Variants in TNRC6C observed in about 807,000 individuals in gnomAD.
TNRC6C encodes trinucleotide repeat containing adaptor 6C, also known as trinucleotide repeat-containing gene 6C protein.
In TNRC6C, 20 loss-of-function variants were observed where a neutral mutation model predicts 153.7. The ratio of observed to expected loss-of-function variants is 0.13; its 90% CI spans 0.09 to 0.19. TNRC6C has a LOEUF of 0.19. TNRC6C is among the 10% of genes least tolerant of loss of function. The pLI is 1.00. For synonymous variants in TNRC6C, 811 were observed against 841.4 expected (o/e 0.96, Z 0.63); for missense variants, 1,987 against 2,172.0 (o/e 0.91, Z 1.69).
chr17:78,065,476 A>G (rs1270835336), intron 4 of TNRC6C, among the ~76,000 whole-genome samples: 2 of 152,206 alleles, frequency 1.3e-5, no homozygotes, highest in African/African-American at 4.8e-5. Flanking sequence ...GCAAAAGTCA[A>G]AGCAACCCCG....
chr17:78,063,460 C>T lies in TNRC6C; in HGVS notation c.2396-1262C>T, dbSNP rs74751636. On this transcript the variant is annotated intron_variant, in intron 3 of 19. Transcript: ENST00000301624. ...TGGAAGAAAATTTGTATAAATGGAT[C>T]ACTGAAGTTCACACCCGTGTTGTCA... is the stretch of plus-strand genomic sequence containing the variant. Among the ~76,000 whole-genome samples, 1,313 of 151,898 alleles carry T rather than the reference C, an allele frequency of 8.6e-3. 10 individuals carry two copies. The highest frequency in any genetic ancestry group is 0.014 in the Non-Finnish European group (970 of 67,946).
chr17:78,092,894 A>G, intron 14 of TNRC6C, 39 bp from the exon 17 acceptor site: 1 of 1,592,216 alleles, frequency 6.3e-7, no homozygotes, highest in Non-Finnish European at 8.6e-7. Flanking sequence ...TCAACTGGAG[A>G]GTATTCACTC....
chr17:78,079,847 T>C lies in TNRC6C; in HGVS notation c.3357+306T>C, dbSNP rs1042627605. Among the ~76,000 whole-genome samples the C allele has an allele frequency of 6.6e-6, 1 of 152,066 alleles. No individual in the cohort carries two copies. Among genetic ancestry groups the C allele is most frequent in the Non-Finnish European group, 1.5e-5 (1 of 68,002 alleles). ...GAAGGACCTGCCCAACACACTCCCATTGATGTGCTTTTGTCCCAGTCTTTG... is the reference window on the plus strand; with the variant it reads ...GAAGGACCTGCCCAACACACTCCCACTGATGTGCTTTTGTCCCAGTCTTTG... On this transcript the variant is annotated intron_variant, in intron 10 of 19. Transcript: ENST00000301624. The surrounding 1 kb of genome is among the most constrained non-coding windows in gnomAD (Gnocchi z 4.3).
intron 15 of TNRC6C, chr17:78,093,346 G>A: frequency 4.5e-6 from 3 of 669,494 alleles, no homozygotes; most frequent in Non-Finnish European, 7.5e-6. Flanking sequence ...CATGAGGAGT[G>A]GAAGGGGTGG....
intron 2 of TNRC6C, among the ~76,000 whole-genome samples, chr17:78,041,826 C>G (rs1277513710): frequency 1.3e-5 from 2 of 152,172 alleles, no homozygotes; most frequent in African/African-American, 4.8e-5. Context: ...GCATTGCGAA[C>G]TAGTTTTTAT....
At chr17:77,970,764 G>A (rs1022555427) in intron 1 of TNRC6C, among the ~76,000 whole-genome samples, 2 of 152,156 alleles carry the variant, frequency 1.3e-5, no homozygotes, top group African/African-American at 4.8e-5. Flanking sequence ...GCCCAGGGAA[G>A]TCAAAAGATT....
intron 1 of TNRC6C, among the ~76,000 whole-genome samples, chr17:77,996,231 G>A (rs531182458): frequency 1.3e-5 from 2 of 152,264 alleles, no homozygotes; most frequent in South Asian, 4.1e-4. Context: ...TGAGTAAGCC[G>A]AGGTTTAAAT....
intron 13 of TNRC6C, among the ~76,000 whole-genome samples, chr17:78,088,608 CTTTTTTCTTTTTTT>C (rs1169053644): frequency 6.6e-6 from 1 of 150,794 alleles, no homozygotes; most frequent in Non-Finnish European, 1.5e-5. Flanking sequence ...GTAAAGTTCT[CTTTTTTCTTTTTTT>C]TTTCTCTCTC....
At chr17:78,003,775 A>G (rs2071450105), upstream of TNRC6C, among the ~76,000 whole-genome samples, 1 of 152,212 alleles carries the variant, frequency 6.6e-6, no homozygotes, top group Admixed American at 6.5e-5. Context: ...TGGAAAAAAT[A>G]AAGCATGGCC....
intron 11 of TNRC6C, among the ~76,000 whole-genome samples, chr17:78,085,422 C>T (rs952284976): frequency 2.0e-5 from 3 of 152,122 alleles, no homozygotes; most frequent in Admixed American, 6.5e-5. Flanking sequence ...GTATTTTATT[C>T]CTCCATGATT....
At chr17:78,009,377 A>G (rs1486618322) in intron 1 of TNRC6C, among the ~76,000 whole-genome samples, 4 of 152,052 alleles carry the variant, frequency 2.6e-5, no homozygotes, top group Admixed American at 1.3e-4. Context: ...GGTTTTTTTA[A>G]TGATTAACTA....
intron 1 of TNRC6C, among the ~76,000 whole-genome samples, chr17:78,019,229 A>G (rs760486043): frequency 1.3e-5 from 2 of 152,234 alleles, no homozygotes; most frequent in African/African-American, 2.4e-5. Context: ...CTCAGACCCT[A>G]GCAAGGGTAG....
At chr17:77,984,477 C>A (rs920048438) in intron 1 of TNRC6C, among the ~76,000 whole-genome samples, 1 of 152,114 alleles carries the variant, frequency 6.6e-6, no homozygotes, top group Non-Finnish European at 1.5e-5. Context: ...GTGGTTGCAC[C>A]ACTGCACCCC....
At chr17:78,026,775 TG>T (rs2071949554) in intron 1 of TNRC6C, among the ~76,000 whole-genome samples, 1 of 152,114 alleles carries the variant, frequency 6.6e-6, no homozygotes, top group African/African-American at 2.4e-5. Flanking sequence ...GTATAGATGA[TG>T]GATTAGAGAG....
intron 1 of TNRC6C, among the ~76,000 whole-genome samples, chr17:77,976,987 A>G (rs1344442295): frequency 6.7e-6 from 1 of 148,382 alleles, no homozygotes; most frequent in Admixed American, 6.7e-5. Context: ...TTTTACAGGT[A>G]TGTTAAAGAG....
intron 8 of TNRC6C, among the ~76,000 whole-genome samples, chr17:78,076,006 C>T (rs2144350250): frequency 6.6e-6 from 1 of 152,062 alleles, no homozygotes; most frequent in South Asian, 2.1e-4. Context: ...CACCTGAGGT[C>T]AGGAGATCGA....
chr17:77,963,799 G>T (rs550036536), intron 1 of TNRC6C, among the ~76,000 whole-genome samples: 3 of 152,296 alleles, frequency 2.0e-5, no homozygotes, highest in African/African-American at 7.2e-5. Context: ...GCTATGCATT[G>T]GAACTTTGGT....
intron 4 of TNRC6C, 140 bp from the exon 7 acceptor site, chr17:78,067,617 G>A: frequency 1.2e-6 from 1 of 854,878 alleles, no homozygotes; most frequent in Non-Finnish European, 1.7e-6. Context: ...TCAATTCTGA[G>A]ATCTGGGAGA....
chr17:78,089,792 A>C (rs1484033085), intron 13 of TNRC6C, among the ~76,000 whole-genome samples: 1 of 152,198 alleles, frequency 6.6e-6, no homozygotes, highest in Admixed American at 6.5e-5. Flanking sequence ...AAATGATTGG[A>C]TAGGATTACA....
Sources: allele counts gnomAD v4.1 joint callset (sites outside exome capture counted in the v4.1 genomes callset), GRCh38; gene constraint gnomAD v4.1.1; non-coding constraint Gnocchi (gnomAD v3.1); transcripts MANE v1.5; gene names NCBI Gene and HGNC (gene_info 2026-07-23, HGNC 2026-07-21).